Variants in KANK1 observed in about 807,000 individuals in gnomAD.
KANK1 encodes the protein KN motif and ankyrin repeat domains 1.
KANK1 carries 109 observed loss-of-function variants against 106.2 expected under a neutral mutation model. The observed-to-expected ratio is 1.03, with a 90% CI of 0.88 to 1.20. The LOEUF (loss-of-function observed/expected upper bound fraction) is 1.20. Ranked by LOEUF, KANK1 falls within the 50% of genes most tolerant of loss-of-function variation. KANK1 has a pLI of 0.00. For synonymous variants in KANK1, 873 were observed against 652.2 expected (o/e 1.34, Z -5.16); for missense variants, 2,399 against 1,710.7 (o/e 1.40, Z -7.10).
intron 1 of KANK1, among the ~76,000 whole-genome samples, chr9:565,644 GTC>G (rs1414335655): frequency 6.6e-6 from 1 of 152,180 alleles, no homozygotes; most frequent in Admixed American, 6.5e-5. Context: ...CATTTGCTGA[GTC>G]TGCCTCTGGG....
At chr9:585,833 CTGAT>C (rs1360352529) in intron 1 of KANK1, among the ~76,000 whole-genome samples, 1 of 152,046 alleles carries the variant, frequency 6.6e-6, no homozygotes, top group Non-Finnish European at 1.5e-5. Context: ...TCAGACTAAT[CTGAT>C]TGAATAGAAG....
intron 1 of KANK1, among the ~76,000 whole-genome samples, chr9:525,577 C>T (rs2059753757): frequency 6.7e-6 from 1 of 148,874 alleles, no homozygotes. Context: ...AGATGGGTTT[C>T]AGCATGTTGG....
At chr9:729,577 G>T (rs966936120) in intron 3 of KANK1, among the ~76,000 whole-genome samples, 5 of 152,250 alleles carry the variant, frequency 3.3e-5, no homozygotes, top group African/African-American at 1.2e-4. Context: ...GGGAAATGAA[G>T]TTGCGGGGGT....
At chr9:718,588 G>A (rs977596301) in intron 3 of KANK1, among the ~76,000 whole-genome samples, 5 of 152,090 alleles carry the variant, frequency 3.3e-5, no homozygotes, top group African/African-American at 9.7e-5. Context: ...GGGATTACAG[G>A]TGTGAGCCAC....
At chr9:645,072 G>A (rs1039604788) in intron 1 of KANK1, among the ~76,000 whole-genome samples, 31 of 134,820 alleles carry the variant, frequency 2.3e-4, no homozygotes, top group Non-Finnish European at 3.2e-4. Context: ...TGCAGTGAGC[G>A]GAGATCACAC....
chr9:640,166 C>T (rs1005660958), intron 1 of KANK1, among the ~76,000 whole-genome samples: 1 of 152,180 alleles, frequency 6.6e-6, no homozygotes, highest in Non-Finnish European at 1.5e-5. Context: ...AGACTCTTGG[C>T]TTCTCATTCT....
chr9:734,501 A>G (rs571658099), intron 6 of KANK1: 63 of 359,736 alleles, frequency 1.8e-4, no homozygotes, highest in Non-Finnish European at 2.8e-4. Context: ...CCCCGTCTCC[A>G]CTAAAAATAC....
chr9:652,644 T>G (rs1222413832), intron 1 of KANK1, among the ~76,000 whole-genome samples: 2 of 152,150 alleles, frequency 1.3e-5, no homozygotes, highest in South Asian at 2.1e-4. Context: ...GAGATGTGGT[T>G]GTTATCTTAG....
At chr9:495,158 A>G (rs980474543) in intron 3 of KANK1, 15 of 152,256 alleles carry the variant, frequency 9.9e-5, no homozygotes, top group African/African-American at 3.6e-4. Flanking sequence ...TCCAAGTATC[A>G]AAGCAGAATT....
chr9:480,642 T>G (rs1391346183), intron 3 of KANK1, among the ~76,000 whole-genome samples: 1 of 152,250 alleles, frequency 6.6e-6, no homozygotes, highest in East Asian at 1.9e-4. Context: ...GTTATGATTT[T>G]CATCCAGAAA....
At chr9:733,382 T>C (rs1832836713) in intron 6 of KANK1, 1 of 152,266 alleles carries the variant, frequency 6.6e-6, no homozygotes, top group South Asian at 2.1e-4. Flanking sequence ...TTTTAGTTTA[T>C]ATTTCCAAGT....
intron 2 of KANK1, among the ~76,000 whole-genome samples, chr9:472,709 T>C (rs1172638576): frequency 6.6e-6 from 1 of 152,198 alleles, no homozygotes; most frequent in African/African-American, 2.4e-5. Context: ...CAGGGATTAG[T>C]GTAAAAGGAA....
chr9:710,648 A>AT (rs1825768743), intron 2 of KANK1, among the ~76,000 whole-genome samples, 156 bp from the exon 3 acceptor site: 1 of 147,672 alleles, frequency 6.8e-6, no homozygotes, highest in Non-Finnish European at 1.5e-5. Context: ...AACAAAAAAA[A>AT]CTTGCTTACC....
At chr9:572,654 G>A (rs1377121328) in intron 1 of KANK1, among the ~76,000 whole-genome samples, 1 of 152,106 alleles carries the variant, frequency 6.6e-6, no homozygotes, top group Non-Finnish European at 1.5e-5. Flanking sequence ...GCCTCCCAAA[G>A]CACTGGGATT....
rs150755418 is a variant in KANK1, at chr9:520,411, A to C, written c.-84+15657A>C. Reference sequence around the variant, plus strand: ...TTATTAACACTTCTGCTTGTGTGTCACTTCTACTCGCCTTCACTTGGCTGA... The same window carrying C: ...TTATTAACACTTCTGCTTGTGTGTCCCTTCTACTCGCCTTCACTTGGCTGA... On this transcript the variant is annotated intron_variant, in intron 1 of 11. Transcript: ENST00000382297. Among the ~76,000 whole-genome samples the C allele has an allele frequency of 1.3e-3, 198 of 151,566 alleles. 3 individuals are homozygous for C. Among genetic ancestry groups the C allele is most frequent in the African/African-American group, 4.5e-3 (184 of 40,974 alleles).
chr9:588,612 C>G (rs1482211290), intron 1 of KANK1, among the ~76,000 whole-genome samples: 2 of 151,976 alleles, frequency 1.3e-5, no homozygotes, highest in Non-Finnish European at 2.9e-5. Flanking sequence ...TTTTAAAAAA[C>G]ATTCTAGGTA....
rs1330179238 is a variant in KANK1 at position 741,065 on chromosome 9, G to A, written c.3696+131G>A. 4.2e-6 allele frequency: 4 copies of A among 959,832 alleles called. No individual in the cohort carries two copies. The African/African-American group carries it at 6.7e-5, about 16-fold the overall frequency. 59.5% of individuals were successfully genotyped at this position (959,832 alleles called of 1,614,324 possible). A position where few individuals can be genotyped will look rare whatever the true frequency, so the allele number is the denominator to read the frequency against. Reference sequence around the variant, plus strand: ...GTGCACTTGTTTGCAGGCCTGCCCTGAGTCCATACACTGCCTGGCACTCCT... The same window carrying A: ...GTGCACTTGTTTGCAGGCCTGCCCTAAGTCCATACACTGCCTGGCACTCCT... On this transcript the variant is annotated intron_variant, in intron 9 of 11. Coordinates refer to ENST00000382297, the MANE Select transcript of KANK1 (RefSeq NM_015158.5).
At chr9:470,296 A>AGGGGCGCGG (rs2057992707) in exon 1 of KANK1, 1 of 147,190 alleles carries the variant, frequency 6.8e-6, no homozygotes, top group Admixed American at 7.1e-5. Flanking sequence ...CATGCGCCCG[A>AGGGGCGCGG]GGGTGTTTCG....
intron 1 of KANK1, among the ~76,000 whole-genome samples, chr9:554,536 C>T (rs980714907): frequency 3.3e-5 from 5 of 152,258 alleles, no homozygotes; most frequent in East Asian, 1.9e-4. Context: ...TAAAGCAAAT[C>T]GGACTGATTT....
Sources: allele counts gnomAD v4.1 joint callset (sites outside exome capture counted in the v4.1 genomes callset), GRCh38; gene constraint gnomAD v4.1.1; transcripts MANE v1.5; gene names NCBI Gene and HGNC (gene_info 2026-07-23, HGNC 2026-07-21).